Variants in KCTD16 observed in about 807,000 individuals in gnomAD.
KCTD16 encodes the protein BTB/POZ domain-containing protein KCTD16.
KCTD16 carries 13 observed loss-of-function variants against 33.2 expected under a neutral mutation model. The ratio of observed to expected loss-of-function variants is 0.39; its 90% confidence interval spans 0.25 to 0.62. KCTD16 has a LOEUF of 0.62. Among genes scored for constraint, KCTD16 ranks in the 20% least tolerant of loss-of-function variants. The pLI is 0.50. For synonymous variants in KCTD16, 197 were observed against 195.3 expected (o/e 1.01, Z -0.07); for missense variants, 441 against 525.1 (o/e 0.84, Z 1.57).
intron 3 of KCTD16, among the ~76,000 whole-genome samples, chr5:144,417,760 T>C (rs573035799): frequency 5.0e-4 from 76 of 151,998 alleles, no homozygotes; most frequent in Admixed American, 1.3e-3. Flanking sequence ...TCCTTTTGAG[T>C]TTTTTTTGGG....
chr5:144,421,901 G>T (rs151001032), intron 3 of KCTD16, among the ~76,000 whole-genome samples: 1 of 151,982 alleles, frequency 6.6e-6, no homozygotes, highest in Non-Finnish European at 1.5e-5. Flanking sequence ...TAGAATTTGG[G>T]TCATCTTACC....
intron 3 of KCTD16, among the ~76,000 whole-genome samples, chr5:144,278,412 T>TA (rs1755497635): frequency 6.6e-6 from 1 of 151,610 alleles, no homozygotes; most frequent in Admixed American, 6.6e-5. Flanking sequence ...GTTAAAGTGT[T>TA]AAAAAAGTGT....
At chr5:144,383,558 A>G (rs1450245334) in intron 3 of KCTD16, among the ~76,000 whole-genome samples, 4 of 146,794 alleles carry the variant, frequency 2.7e-5, no homozygotes, top group South Asian at 2.2e-4. Flanking sequence ...AAAAAAAAAA[A>G]GAAACATTCT....
chr5:144,277,735 T>A (rs1017757055), intron 3 of KCTD16, among the ~76,000 whole-genome samples: 1 of 152,226 alleles, frequency 6.6e-6, no homozygotes, highest in African/African-American at 2.4e-5. Flanking sequence ...GGTGTGTAGT[T>A]ATAGCTCATG....
At chr5:144,366,704 A>G (rs1477491472) in intron 3 of KCTD16, among the ~76,000 whole-genome samples, 1 of 152,184 alleles carries the variant, frequency 6.6e-6, no homozygotes, top group African/African-American at 2.4e-5. Flanking sequence ...TATCCTAGTC[A>G]CAAATGACCA....
rs920559768 is a variant in KCTD16, at chr5:144,238,003, C to T, written c.832+30457C>T. 2.6e-5 allele frequency among the ~76,000 whole-genome samples: 4 copies of T among 152,310 alleles called. No individual in the cohort carries two copies. In the South Asian group the frequency reaches 6.2e-4, roughly 24 times the overall value. On this transcript the variant is annotated intron_variant, in intron 3 of 3. Transcript: ENST00000512467. Reference sequence around the variant, plus strand: ...CACTCTGGTTGCTTAGCATCAGACACTATTACTAGTGACTGGCATTTTTCC... The same window carrying T: ...CACTCTGGTTGCTTAGCATCAGACATTATTACTAGTGACTGGCATTTTTCC...
chr5:144,234,883 G>A (rs1332796177), intron 3 of KCTD16, among the ~76,000 whole-genome samples: 1 of 151,968 alleles, frequency 6.6e-6, no homozygotes, highest in African/African-American at 2.4e-5. Flanking sequence ...TCAAAAATGA[G>A]TTGCTGAGAT....
intron 2 of KCTD16, among the ~76,000 whole-genome samples, chr5:144,204,733 A>G (rs1753120985): frequency 6.6e-6 from 1 of 152,132 alleles, no homozygotes. Context: ...AAAGAGCATC[A>G]TTAATTTCAG....
intron 3 of KCTD16, among the ~76,000 whole-genome samples, chr5:144,247,094 T>C (rs1042924979): frequency 1.3e-5 from 2 of 152,218 alleles, no homozygotes; most frequent in African/African-American, 4.8e-5. Flanking sequence ...ATTATGTTTT[T>C]CAATGATGGT....
intron 3 of KCTD16, among the ~76,000 whole-genome samples, chr5:144,464,319 T>C (rs1006121500): frequency 1.3e-5 from 2 of 152,220 alleles, no homozygotes; most frequent in Non-Finnish European, 2.9e-5. Flanking sequence ...TAAAATTTTA[T>C]GAAATTCAGT....
At chr5:144,372,617 T>C (rs1751994372) in intron 3 of KCTD16, among the ~76,000 whole-genome samples, 1 of 152,202 alleles carries the variant, frequency 6.6e-6, no homozygotes, top group Non-Finnish European at 1.5e-5. Flanking sequence ...ACTCCTCACC[T>C]GTGCCAAATC....
At chr5:144,321,048 T>C (rs1752060244) in intron 3 of KCTD16, among the ~76,000 whole-genome samples, 1 of 152,086 alleles carries the variant, frequency 6.6e-6, no homozygotes, top group African/African-American at 2.4e-5. Flanking sequence ...AGAGATGGGT[T>C]TTCACTATGT....
chr5:144,342,839 T>C (rs958276359), intron 3 of KCTD16, among the ~76,000 whole-genome samples: 4 of 152,246 alleles, frequency 2.6e-5, no homozygotes, highest in African/African-American at 9.6e-5. Context: ...GAGATAATCA[T>C]GTGGTTTTTG....
At chr5:144,438,550 C>G (rs1753630933) in intron 3 of KCTD16, among the ~76,000 whole-genome samples, 1 of 152,180 alleles carries the variant, frequency 6.6e-6, no homozygotes, top group Admixed American at 6.5e-5. Context: ...CTCATCCACT[C>G]AATTCTAATA....
intron 3 of KCTD16, among the ~76,000 whole-genome samples, chr5:144,287,668 C>T (rs1755782330): frequency 6.6e-6 from 1 of 152,050 alleles, no homozygotes; most frequent in Non-Finnish European, 1.5e-5. Flanking sequence ...CTGAGTTTCA[C>T]TCTTTTCGCC....
chr5:144,317,112 C>A (rs979294705), intron 3 of KCTD16, among the ~76,000 whole-genome samples: 1 of 151,956 alleles, frequency 6.6e-6, no homozygotes, highest in Non-Finnish European at 1.5e-5. Flanking sequence ...AGGTGTGAGC[C>A]ACCAAGCCCG....
chr5:144,425,735 G>A (rs1753313951), intron 3 of KCTD16, among the ~76,000 whole-genome samples: 2 of 152,042 alleles, frequency 1.3e-5, no homozygotes, highest in Non-Finnish European at 2.9e-5. Flanking sequence ...GTGCTGGAAT[G>A]CAAGGAACAG....
At chr5:144,369,674 G>A (rs995717019) in intron 3 of KCTD16, among the ~76,000 whole-genome samples, 8 of 152,094 alleles carry the variant, frequency 5.3e-5, no homozygotes, top group African/African-American at 1.9e-4. Context: ...TAAGGAAATA[G>A]CAAGTAGTTT....
At chr5:144,233,478 G>A (rs1486235297) in intron 3 of KCTD16, among the ~76,000 whole-genome samples, 1 of 152,106 alleles carries the variant, frequency 6.6e-6, no homozygotes, top group Non-Finnish European at 1.5e-5. Context: ...AAAAGAAAAA[G>A]AGGAAAGAAA....
Sources: gnomAD v4.1 joint callset for allele counts (sites outside exome capture counted in the v4.1 genomes callset) on GRCh38, gnomAD v4.1.1 for gene constraint, MANE v1.5 for transcripts, NCBI Gene and HGNC (gene_info 2026-07-23, HGNC 2026-07-21) for gene names.